Variants in TMEFF1 observed in about 807,000 individuals in gnomAD.
TMEFF1 encodes tomoregulin-1.
A neutral mutation model predicts 47.5 loss-of-function variants in TMEFF1; 20 were observed. That is an observed-to-expected ratio of 0.42 (90% CI 0.30 to 0.61). The LOEUF (loss-of-function observed/expected upper bound fraction) is 0.61. TMEFF1 is among the 20% of genes least tolerant of loss of function. The probability of loss-of-function intolerance (pLI) is 0.19; values close to 1 mark genes in which losing one functional copy is unlikely to be tolerated. For missense variants in TMEFF1, 411 were observed against 471.1 expected, an observed-to-expected ratio of 0.87 and a Z score of 1.18; for synonymous variants, 162 against 166.3, an observed-to-expected ratio of 0.97 and a Z score of 0.20.
chr9:100,513,322 C>A lies in TMEFF1; in HGVS notation c.452C>A (p.Ser151Tyr). The change falls in exon 4 of 10, where the codon TCT becomes TAT. Residue 151 changes from serine (S) to tyrosine (Y), a missense_variant. Ser to Tyr is a moderately radical substitution (Grantham distance 144). Transcript: ENST00000374879. ...GPCYSDNGSG[S>Y]GEGEEEGSGA... The stretch of plus-strand genomic sequence containing the variant: ...TTCTTCTCAGATAATGGATCTGGAT[C>A]TGGAGAAGGAGGTAAGTTTCAAGTA... 6.3e-7 allele frequency: 1 copy of A among 1,594,980 alleles called. No homozygotes were observed. The highest frequency in any genetic ancestry group is 8.5e-7 in the Non-Finnish European group (1 of 1,173,010).
At chr9:100,546,711 G>A (rs2118506368) in intron 5 of TMEFF1, among the ~76,000 whole-genome samples, 1 of 152,282 alleles carries the variant, frequency 6.6e-6, no homozygotes, top group African/African-American at 2.4e-5. Context: ...TAAAATGTTT[G>A]TCCAGTGTTT....
At chr9:100,544,905 C>T (rs1199644112) in intron 5 of TMEFF1, among the ~76,000 whole-genome samples, 1 of 152,246 alleles carries the variant, frequency 6.6e-6, no homozygotes, top group Non-Finnish European at 1.5e-5. Flanking sequence ...AAAATGATCT[C>T]CTTTGACTCC....
chr9:100,517,390 A>G (rs1564015826), intron 5 of TMEFF1, among the ~76,000 whole-genome samples: 1 of 152,144 alleles, frequency 6.6e-6, no homozygotes, highest in East Asian at 1.9e-4. Flanking sequence ...ATTTATTTCC[A>G]TAAGATATTT....
At chr9:100,572,267 G>T (rs954391784) in intron 8 of TMEFF1, among the ~76,000 whole-genome samples, 1 of 152,036 alleles carries the variant, frequency 6.6e-6, no homozygotes, top group Non-Finnish European at 1.5e-5. Context: ...AACAAAAAAA[G>T]ATATACATTA....
intron 5 of TMEFF1, among the ~76,000 whole-genome samples, chr9:100,529,130 C>A (rs1838325536): frequency 6.7e-6 from 1 of 149,774 alleles, no homozygotes; most frequent in Admixed American, 6.6e-5. Flanking sequence ...CCAGCCGCTG[C>A]AAAATCATGC....
At chr9:100,502,617 G>A (rs182722838) in intron 2 of TMEFF1, among the ~76,000 whole-genome samples, 8 of 152,180 alleles carry the variant, frequency 5.3e-5, no homozygotes, top group Admixed American at 2.6e-4. Flanking sequence ...CCACCTTGGC[G>A]TCCCAAAGTG....
chr9:100,519,983 A>G (rs1410366442), intron 5 of TMEFF1, among the ~76,000 whole-genome samples: 1 of 152,168 alleles, frequency 6.6e-6, no homozygotes, highest in Non-Finnish European at 1.5e-5. Context: ...AATGCAATGT[A>G]CTCTAATATT....
At chr9:100,510,245 G>A (rs914864636) in intron 3 of TMEFF1, among the ~76,000 whole-genome samples, 4 of 152,178 alleles carry the variant, frequency 2.6e-5, no homozygotes, top group Admixed American at 6.5e-5. Flanking sequence ...AGGGCTAACA[G>A]ACTCACTGAC....
At chr9:100,483,719 A>G (rs1837386647) in intron 1 of TMEFF1, among the ~76,000 whole-genome samples, 1 of 151,700 alleles carries the variant, frequency 6.6e-6, no homozygotes, top group Admixed American at 6.6e-5. Context: ...CCCAATTAAG[A>G]TTTTACCACA....
At chr9:100,534,069 C>T (rs1838458012) in intron 5 of TMEFF1, among the ~76,000 whole-genome samples, 1 of 152,062 alleles carries the variant, frequency 6.6e-6, no homozygotes, top group Admixed American at 6.6e-5. Flanking sequence ...AACCAGGAGG[C>T]TGTGTGGGGA....
In TMEFF1 at chr9:100,576,547, C is replaced by G; in HGVS notation, c.1090C>G (p.Gln364Glu). Residue 364 changes from glutamine (Q) to glutamate (E), a missense_variant, in exon 10 of 10, where the codon CAG (glutamine) becomes GAG (glutamate). Physicochemically the swap from Gln to Glu is conservative, Grantham distance 29 (BLOSUM62 2). Transcript: ENST00000374879. ...CCCCAAAAACAATAGAGGACGTCGA[C>G]AGAAGCAAAACCTAGGTCATTTTAC... ...KCPKNNRGRR[Q>E]KQNLGHFTSD... 1.9e-6 allele frequency: 3 copies of G among 1,613,188 alleles called. No homozygotes were observed. Among genetic ancestry groups the G allele is most frequent in the Non-Finnish European group, 2.5e-6 (3 of 1,179,618 alleles).
At chr9:100,481,417 T>C (rs1035978667) in intron 1 of TMEFF1, among the ~76,000 whole-genome samples, 22 of 152,218 alleles carry the variant, frequency 1.4e-4, no homozygotes, top group Non-Finnish European at 2.9e-4. Flanking sequence ...GAACATAGAA[T>C]ACCTCTTAGG....
At chr9:100,495,409 C>T (rs1337242631) in intron 1 of TMEFF1, among the ~76,000 whole-genome samples, 1 of 152,150 alleles carries the variant, frequency 6.6e-6, no homozygotes, top group Non-Finnish European at 1.5e-5. Context: ...TCTGACACTG[C>T]ACCCTATGCC....
At chr9:100,516,897 A>G (rs1240994741) in intron 5 of TMEFF1, 126 bp downstream of exon 5, 6 of 1,115,376 alleles carry the variant, frequency 5.4e-6, no homozygotes, top group Middle Eastern at 2.5e-4. Context: ...TTTTTTGTTT[A>G]ATGCTAGTCT....
intron 5 of TMEFF1, among the ~76,000 whole-genome samples, chr9:100,532,154 G>C (rs1020800954): frequency 6.6e-6 from 1 of 151,302 alleles, no homozygotes; most frequent in African/African-American, 2.4e-5. Context: ...GAAAACCTAG[G>C]CATTACCATT....
At chr9:100,528,310 T>C (rs919518724) in intron 5 of TMEFF1, among the ~76,000 whole-genome samples, 9 of 149,938 alleles carry the variant, frequency 6.0e-5, no homozygotes, top group Non-Finnish European at 1.0e-4. Context: ...GGGAGGACAT[T>C]CAAACCAAAG....
At chr9:100,529,129 G>A (rs1838325484) in intron 5 of TMEFF1, among the ~76,000 whole-genome samples, 1 of 149,870 alleles carries the variant, frequency 6.7e-6, no homozygotes, top group Admixed American at 6.6e-5. Flanking sequence ...ACCAGCCGCT[G>A]CAAAATCATG....
chr9:100,480,440 T>C (rs888007045), intron 1 of TMEFF1, among the ~76,000 whole-genome samples: 1 of 152,240 alleles, frequency 6.6e-6, no homozygotes, highest in Non-Finnish European at 1.5e-5. Context: ...AAAGTTGTTT[T>C]TATGAAATGC....
intron 5 of TMEFF1, among the ~76,000 whole-genome samples, chr9:100,527,154 A>C (rs989086556): frequency 6.6e-6 from 1 of 151,724 alleles, no homozygotes; most frequent in Non-Finnish European, 1.5e-5. Flanking sequence ...AAAAAAAAAA[A>C]CAAAACTACC....
Sources: allele counts gnomAD v4.1 joint callset (sites outside exome capture counted in the v4.1 genomes callset), GRCh38; gene constraint gnomAD v4.1.1; transcripts MANE v1.5; gene names NCBI Gene and HGNC (gene_info 2026-07-23, HGNC 2026-07-21).